The following TMEM117 variants were observed in gnomAD, a reference collection of about 807,000 sequenced individuals.
The protein encoded by TMEM117 is transmembrane protein 117.
In TMEM117, 27 loss-of-function variants were observed where a neutral mutation model predicts 52.4. The ratio of observed to expected loss-of-function variants is 0.51; its 90% CI spans 0.38 to 0.71. The LOEUF (loss-of-function observed/expected upper bound fraction) is 0.71, where lower values mean the gene tolerates loss of function less well. TMEM117 is among the 30% of genes least tolerant of loss of function. The pLI is 0.00. For synonymous variants in TMEM117, 215 were observed against 206.3 expected (o/e 1.04, Z -0.36); for missense variants, 556 against 630.5 (o/e 0.88, Z 1.26).
At chr12:44,273,154 AG>A (rs550791639) in intron 5 of TMEM117, among the ~76,000 whole-genome samples, 78 of 152,146 alleles carry the variant, frequency 5.1e-4, no homozygotes, top group African/African-American at 1.9e-3. Flanking sequence ...TCTCACTCAC[AG>A]GTGAGAATTG....
the TMEM117 span, among the ~76,000 whole-genome samples, chr12:43,814,789 G>A: frequency 7.0e-6 from 1 of 143,046 alleles, no homozygotes; most frequent in Non-Finnish European, 1.5e-5. Flanking sequence ...TTGTCCCTCA[G>A]GCTGGAGTGG....
intron 2 of TMEM117, among the ~76,000 whole-genome samples, chr12:43,894,423 CA>C (rs879336388): frequency 1.2e-4 from 18 of 151,768 alleles, no homozygotes; most frequent in Admixed American, 1.1e-3. Context: ...TTTGGGGGTA[CA>C]TATGCAGGAT....
chr12:44,392,680 C>G (rs1169189011), downstream of TMEM117, among the ~76,000 whole-genome samples: 1 of 144,472 alleles, frequency 6.9e-6, no homozygotes, highest in African/African-American at 2.5e-5. Flanking sequence ...CCCCTCCCCC[C>G]ACCCCACGAC....
At chr12:44,352,282 TG>T (rs562884676) in intron 6 of TMEM117, among the ~76,000 whole-genome samples, 37 of 152,126 alleles carry the variant, frequency 2.4e-4, no homozygotes, top group South Asian at 4.1e-4. Context: ...TGTTTTGTTT[TG>T]TTTTTTTGTT....
intron 3 of TMEM117, among the ~76,000 whole-genome samples, chr12:43,948,815 A>G (rs2137628545): frequency 6.6e-6 from 1 of 152,264 alleles, no homozygotes; most frequent in South Asian, 2.1e-4. Flanking sequence ...TGCATAGCTG[A>G]GTTTACCCAA....
chr12:44,183,600 C>T (rs888657323), intron 4 of TMEM117, among the ~76,000 whole-genome samples: 9 of 152,056 alleles, frequency 5.9e-5, no homozygotes, highest in African/African-American at 1.9e-4. Flanking sequence ...AGACCAGTAG[C>T]AAGCCTAGAG....
intron 6 of TMEM117, among the ~76,000 whole-genome samples, chr12:44,313,009 T>G (rs1229497583): frequency 6.6e-6 from 1 of 152,218 alleles, no homozygotes; most frequent in Non-Finnish European, 1.5e-5. Context: ...ATTCTGGATA[T>G]TAAACCTCTG....
At chr12:44,207,782 G>T (rs1949589097) in intron 4 of TMEM117, among the ~76,000 whole-genome samples, 2 of 150,300 alleles carry the variant, frequency 1.3e-5, no homozygotes, top group African/African-American at 5.0e-5. Context: ...GGTGCAGAGA[G>T]GTTAATTACC....
At chr12:43,898,005 A>G (rs1190798816) in intron 2 of TMEM117, among the ~76,000 whole-genome samples, 1 of 149,540 alleles carries the variant, frequency 6.7e-6, no homozygotes, top group Non-Finnish European at 1.5e-5. Flanking sequence ...TGTGACTAAT[A>G]TACTGCACAC....
At chr12:44,291,280 A>G (rs926358784) in intron 5 of TMEM117, among the ~76,000 whole-genome samples, 2 of 149,106 alleles carry the variant, frequency 1.3e-5, no homozygotes, top group Non-Finnish European at 1.5e-5. Context: ...TTCTTTTTAG[A>G]TGGTTTATTA....
At chr12:44,306,240 G>A (rs1259922549) in intron 6 of TMEM117, among the ~76,000 whole-genome samples, 1 of 151,968 alleles carries the variant, frequency 6.6e-6, no homozygotes, top group Non-Finnish European at 1.5e-5. Flanking sequence ...ATATACCCAT[G>A]TAACAAACCT....
At chr12:44,206,313 AG>A (rs1949565940) in intron 4 of TMEM117, among the ~76,000 whole-genome samples, 1 of 152,160 alleles carries the variant, frequency 6.6e-6, no homozygotes, top group Admixed American at 6.5e-5. Flanking sequence ...TGGGTGGGCC[AG>A]GTTTTCCTTG....
At chr12:44,026,441 G>A (rs557697640) in intron 3 of TMEM117, among the ~76,000 whole-genome samples, 8 of 152,178 alleles carry the variant, frequency 5.3e-5, no homozygotes, top group South Asian at 2.1e-4. Flanking sequence ...CCAAAGAGAC[G>A]GGTTTTCACA....
chr12:43,995,873 T>A (rs1946022146), intron 3 of TMEM117, among the ~76,000 whole-genome samples: 1 of 152,230 alleles, frequency 6.6e-6, no homozygotes. Flanking sequence ...CTCTGAAAAC[T>A]CCTTGTTCTG....
intron 4 of TMEM117, among the ~76,000 whole-genome samples, chr12:44,207,522 C>A (rs548484011): frequency 1.3e-5 from 2 of 152,096 alleles, no homozygotes; most frequent in Admixed American, 6.6e-5. Flanking sequence ...CAATTATAGA[C>A]TGTATCATAG....
rs141434655 is a variant in TMEM117 at position 44,244,583 on chromosome 12, T to C, written c.608+33196T>C. ...AATATTGAATAGTTTGAGTTCTTTA[T>C]ATACTTTAGACATTAACCCCTTATC... On this transcript the variant is annotated intron_variant, in intron 5 of 7. Transcript: ENST00000266534. The C allele has an allele frequency of 1.5e-4, 23 of 152,102 alleles. No individual in the cohort carries two copies. In the East Asian group the frequency reaches 4.4e-3, roughly 29 times the overall value. 9.4% of individuals were successfully genotyped at this position (152,102 alleles called of 1,614,324 possible).
At chr12:44,225,017 T>C (rs1949842650) in intron 5 of TMEM117, among the ~76,000 whole-genome samples, 1 of 152,144 alleles carries the variant, frequency 6.6e-6, no homozygotes, top group African/African-American at 2.4e-5. Context: ...TGCCTGTAGA[T>C]ATGCATGATT....
intron 3 of TMEM117, among the ~76,000 whole-genome samples, chr12:44,037,959 T>G (rs1029089187): frequency 6.6e-6 from 1 of 152,026 alleles, no homozygotes; most frequent in Non-Finnish European, 1.5e-5. Context: ...TCCTCTCCAC[T>G]GAGAGCTCAA....
chr12:44,176,329 A>T lies in TMEM117; in HGVS notation c.510+32705A>T, dbSNP rs746415500. ...GGTGCTTGGCACATAGTACATGCCC[A>T]ATAAATACCTGTGGAATGAACGAGT... On this transcript the variant is annotated intron_variant, in intron 4 of 7. Transcript: ENST00000266534. Among the ~76,000 whole-genome samples the T allele has an allele frequency of 3.7e-4, 57 of 152,174 alleles. 1 individual carries two copies. The highest frequency in any genetic ancestry group is 6.2e-4 in the Non-Finnish European group (42 of 68,022).
Sources: allele counts gnomAD v4.1 joint callset (sites outside exome capture counted in the v4.1 genomes callset), GRCh38; gene constraint gnomAD v4.1.1; transcripts MANE v1.5; gene names NCBI Gene and HGNC (gene_info 2026-07-23, HGNC 2026-07-21).